The following TUSC3 variants were observed in gnomAD, a reference collection of about 807,000 sequenced individuals.
TUSC3 encodes dolichyl-diphosphooligosaccharide--protein glycosyltransferase subunit TUSC3.
Under a neutral mutation model 44.8 loss-of-function variants are expected in TUSC3, and 45 were observed. The observed-to-expected ratio is 1.00, with a 90% CI of 0.79 to 1.29. The LOEUF (loss-of-function observed/expected upper bound fraction) is 1.29, where lower values mean the gene tolerates loss of function less well. Ranked by LOEUF, TUSC3 falls within the 50% of genes most tolerant of loss-of-function variation. The probability of loss-of-function intolerance (pLI) is 0.00; values close to 1 mark genes in which losing one functional copy is unlikely to be tolerated. For missense variants in TUSC3, 519 were observed against 437.9 expected (o/e 1.19, Z -1.65); for synonymous variants, 212 against 152.9 (o/e 1.39, Z -2.85).
intron 1 of TUSC3, among the ~76,000 whole-genome samples, chr8:15,447,608 C>T (rs1262969903): frequency 6.6e-6 from 1 of 151,598 alleles, no homozygotes; most frequent in Non-Finnish European, 1.5e-5. Context: ...CACAAAGATT[C>T]TGTCACTTTT....
chr8:15,838,998 T>G, the TUSC3 span, among the ~76,000 whole-genome samples: 1 of 152,200 alleles, frequency 6.6e-6, no homozygotes, highest in Non-Finnish European at 1.5e-5. Flanking sequence ...GAACATGGAA[T>G]GTTCTTCCAC....
intron 3 of TUSC3, among the ~76,000 whole-genome samples, chr8:15,653,692 G>C (rs1281579419): frequency 6.6e-6 from 1 of 152,188 alleles, no homozygotes; most frequent in Admixed American, 6.5e-5. Flanking sequence ...CAGTTAATGA[G>C]TTTTATGAGG....
At chr8:15,827,187 G>A in the TUSC3 span, among the ~76,000 whole-genome samples, 1 of 151,904 alleles carries the variant, frequency 6.6e-6, no homozygotes, top group African/African-American at 2.4e-5. Context: ...GATGGGGTAC[G>A]CTGGATTTCA....
intron 1 of TUSC3, among the ~76,000 whole-genome samples, chr8:15,548,602 G>C (rs1801953596): frequency 6.6e-6 from 1 of 151,838 alleles, no homozygotes; most frequent in African/African-American, 2.4e-5. Flanking sequence ...ACATGTCTTA[G>C]CCTTGTAATT....
chr8:15,818,963 C>A, the TUSC3 span, among the ~76,000 whole-genome samples: 1 of 152,140 alleles, frequency 6.6e-6, no homozygotes, highest in African/African-American at 2.4e-5. Flanking sequence ...GTGGTTCACA[C>A]CTATACTCCT....
At chr8:15,699,054 T>G (rs1373437479) in intron 6 of TUSC3, among the ~76,000 whole-genome samples, 1 of 152,098 alleles carries the variant, frequency 6.6e-6, no homozygotes, top group African/African-American at 2.4e-5. Context: ...TGCTATGTCA[T>G]CTAGGCTGGT....
chr8:15,650,198 A>G (rs967754733), intron 2 of TUSC3, among the ~76,000 whole-genome samples: 1 of 152,238 alleles, frequency 6.6e-6, no homozygotes, highest in African/African-American at 2.4e-5. Flanking sequence ...AAGGTGGAGT[A>G]TAAGTATTTA....
chr8:15,654,190 G>A (rs200665449), intron 3 of TUSC3, among the ~76,000 whole-genome samples: 4 of 152,250 alleles, frequency 2.6e-5, no homozygotes, highest in African/African-American at 9.6e-5. Context: ...TTTCATGTGG[G>A]GAGTGAGGAA....
At chr8:15,437,741 G>C (rs1799967716) in intron 1 of TUSC3, among the ~76,000 whole-genome samples, 1 of 152,166 alleles carries the variant, frequency 6.6e-6, no homozygotes, top group African/African-American at 2.4e-5. Context: ...CTGGAAAGTA[G>C]AAATATTGTT....
intron 1 of TUSC3, among the ~76,000 whole-genome samples, chr8:15,595,309 T>C (rs1367820350): frequency 6.6e-6 from 1 of 152,134 alleles, no homozygotes; most frequent in Middle Eastern, 3.2e-3. Flanking sequence ...AGGCTTCTCT[T>C]TGTGTAAATC....
intron 1 of TUSC3, among the ~76,000 whole-genome samples, chr8:15,591,490 A>T (rs2129150491): frequency 6.6e-6 from 1 of 152,342 alleles, no homozygotes. Context: ...TATTATGAGC[A>T]AGATGTGAAT....
intron 2 of TUSC3, among the ~76,000 whole-genome samples, chr8:15,638,515 C>CTTTTTTTTTTTTTTTTTTTT (rs547743726): frequency 2.5e-5 from 2 of 81,106 alleles, no homozygotes; most frequent in Non-Finnish European, 4.4e-5. Flanking sequence ...TTCTTTTTTT[C>CTTTTTTTTTTTTTTTTTTTT]TTTTTTTTTT....
chr8:15,606,678 T>C (rs1252143198), intron 1 of TUSC3, among the ~76,000 whole-genome samples: 1 of 152,116 alleles, frequency 6.6e-6, no homozygotes, highest in Non-Finnish European at 1.5e-5. Flanking sequence ...ATCCAAATAC[T>C]TGGAATTATG....
At chr8:15,814,227 T>C in the TUSC3 span, among the ~76,000 whole-genome samples, 1 of 152,306 alleles carries the variant, frequency 6.6e-6, no homozygotes, top group Non-Finnish European at 1.5e-5. Flanking sequence ...CTTTCTGTGA[T>C]TGAGTGTATG....
chr8:15,644,551 C>G (rs1806539261), intron 2 of TUSC3, among the ~76,000 whole-genome samples: 1 of 152,122 alleles, frequency 6.6e-6, no homozygotes. Flanking sequence ...GAAACATATT[C>G]AAGGATCCTC....
At chr8:15,520,978 GA>G (rs1322093277) in intron 2 of TUSC3, among the ~76,000 whole-genome samples, 1 of 152,174 alleles carries the variant, frequency 6.6e-6, no homozygotes, top group African/African-American at 2.4e-5. Context: ...ATTGTTACAA[GA>G]AAAGCTTGGG....
At chr8:15,652,777 A>C (rs1461586311) in intron 3 of TUSC3, among the ~76,000 whole-genome samples, 4 of 152,284 alleles carry the variant, frequency 2.6e-5, no homozygotes, top group Non-Finnish European at 4.4e-5. Context: ...TCATATTGGC[A>C]AACAGTCTTC....
chr8:15,635,135 A>G (rs1806008840), intron 2 of TUSC3, among the ~76,000 whole-genome samples: 2 of 152,126 alleles, frequency 1.3e-5, no homozygotes, highest in Non-Finnish European at 1.5e-5. Flanking sequence ...CTGTCAAGGA[A>G]GGAAAGGAAG....
the TUSC3 span, among the ~76,000 whole-genome samples, chr8:15,779,803 C>A: frequency 6.6e-6 from 1 of 152,260 alleles, no homozygotes; most frequent in African/African-American, 2.4e-5. Flanking sequence ...TCAACATCTA[C>A]CTCTGATTGT....
Sources: allele counts gnomAD v4.1 joint callset (sites outside exome capture counted in the v4.1 genomes callset), GRCh38; gene constraint gnomAD v4.1.1; transcripts MANE v1.5; gene names NCBI Gene and HGNC (gene_info 2026-07-23, HGNC 2026-07-21).